Variants in ATXN7L1 observed in about 807,000 individuals in gnomAD.
ATXN7L1 encodes ataxin 7 like 1.
Under a neutral mutation model 70.8 loss-of-function variants are expected in ATXN7L1, and 15 were observed. The observed-to-expected ratio is 0.21, with a 90% CI of 0.14 to 0.33. ATXN7L1 has a LOEUF of 0.33. Among genes scored for constraint, ATXN7L1 ranks in the 10% least tolerant of loss-of-function variants. The pLI is 1.00. For missense variants in ATXN7L1, 975 were observed against 1,097.1 expected (o/e 0.89, Z 1.57); for synonymous variants, 440 against 445.1 (o/e 0.99, Z 0.14).
intron 2 of ATXN7L1, among the ~76,000 whole-genome samples, chr7:105,850,915 C>T (rs990258417): frequency 6.6e-6 from 1 of 152,090 alleles, no homozygotes; most frequent in Non-Finnish European, 1.5e-5. Context: ...CCATCTCTGC[C>T]CCCAGGATAT....
At chr7:105,731,592 G>A (rs987191032) in intron 3 of ATXN7L1, among the ~76,000 whole-genome samples, 1 of 150,938 alleles carries the variant, frequency 6.6e-6, no homozygotes, top group Non-Finnish European at 1.5e-5. Context: ...CCACCACCAC[G>A]CCCGGCTAAT....
At chr7:105,761,869 C>CT (rs1366648109) in intron 3 of ATXN7L1, among the ~76,000 whole-genome samples, 1 of 152,208 alleles carries the variant, frequency 6.6e-6, no homozygotes, top group East Asian at 1.9e-4. Flanking sequence ...ACATTGTATT[C>CT]TAATACTTGT....
Position 105,614,756 on chromosome 7 carries a change from G to A in ATXN7L1, c.1578C>T (p.Pro526=), listed in dbSNP as rs752716550. ...AAGGCTGCAAAACGGATGCTGGAACGGGGGTGGTGATGTGGGCTGCTGGCG... is the reference window on the plus strand; with the variant it reads ...AAGGCTGCAAAACGGATGCTGGAACAGGGGTGGTGATGTGGGCTGCTGGCG... ...LPSPAAHITT[P]VPASVLQPFS... The change falls in exon 10 of 12, where the codon CCC becomes CCT. Residue 526 remains proline, a synonymous_variant. Transcript: ENST00000419735. This position sits in a 1 kb window ranked among gnomAD's most constrained non-coding sequence, Gnocchi z 4.3. 291 of 1,551,622 alleles carry A rather than the reference G, an allele frequency of 1.9e-4. 1 individual carries two copies. The highest frequency in any genetic ancestry group is 2.3e-4 in the Non-Finnish European group (266 of 1,147,004).
chr7:105,640,037 C>T (rs1797945825), intron 5 of ATXN7L1, among the ~76,000 whole-genome samples: 2 of 152,240 alleles, frequency 1.3e-5, no homozygotes, highest in South Asian at 4.1e-4. Context: ...ACTCCAGCTC[C>T]TGCCTTCCTG....
intron 10 of ATXN7L1, among the ~76,000 whole-genome samples, chr7:105,613,213 C>T (rs982846912): frequency 6.6e-6 from 1 of 152,244 alleles, no homozygotes; most frequent in Non-Finnish European, 1.5e-5. Flanking sequence ...CTCTCAGCTT[C>T]CTCACCATAC....
rs141909019 is a variant in ATXN7L1, at chr7:105,712,207, C to G, written c.356-46919G>C. 1.8e-3 allele frequency among the ~76,000 whole-genome samples: 278 copies of G among 152,354 alleles called. 6 individuals carry two copies. In the East Asian group the frequency reaches 0.052, roughly 29 times the overall value. The stretch of plus-strand genomic sequence containing the variant: ...GCAGCTGGACTCTGAGCCTGGCCCA[C>G]AAAACCATTTTTTCCTCCTAGGCCT... On this transcript the variant is annotated intron_variant, in intron 3 of 11. Transcript: ENST00000419735.
At chr7:105,680,808 A>C (rs1805449032) in intron 3 of ATXN7L1, among the ~76,000 whole-genome samples, 1 of 152,166 alleles carries the variant, frequency 6.6e-6, no homozygotes. Flanking sequence ...CCAGAGAAAA[A>C]CGTGAGTTGC....
intron 4 of ATXN7L1, among the ~76,000 whole-genome samples, chr7:105,645,160 GAA>G (rs1554405151): frequency 6.6e-6 from 1 of 151,272 alleles, no homozygotes; most frequent in African/African-American, 2.4e-5. Context: ...TTGCAAGATG[GAA>G]AAAAAAGTTC....
chr7:105,761,129 T>C (rs1800476142), intron 3 of ATXN7L1: 2 of 1,177,250 alleles, frequency 1.7e-6, no homozygotes, highest in South Asian at 3.3e-5. Context: ...TGGGAATTGA[T>C]GGCAGCTTAG....
rs138063146 is a variant in ATXN7L1 at position 105,664,822 on chromosome 7, C to T, written c.578+244G>A. 7.6e-3 allele frequency among the ~76,000 whole-genome samples: 1,163 copies of T among 152,040 alleles called. 14 individuals are homozygous for T. Among genetic ancestry groups the T allele is most frequent in the African/African-American group, 0.027 (1,113 of 41,458 alleles). ...CCTCAGGTGATCTACCCACCTCAGC[C>T]TCCCAAAGTGCTGGGATTACAGGTG... On this transcript the variant is annotated intron_variant, in intron 4 of 11. Transcript: ENST00000419735.
At chr7:105,821,319 G>A (rs547751433) in intron 2 of ATXN7L1, among the ~76,000 whole-genome samples, 6 of 152,284 alleles carry the variant, frequency 3.9e-5, no homozygotes, top group South Asian at 2.1e-4. Flanking sequence ...GATTACAGGC[G>A]TGAGCCACCA....
At chr7:105,613,634 G>A (rs1218489957) in intron 10 of ATXN7L1, 1 of 1,408,462 alleles carries the variant, frequency 7.1e-7, no homozygotes, top group Admixed American at 2.8e-5. Context: ...ACTCAGTGAG[G>A]TAATAACCGT....
At chr7:105,748,236 G>A (rs1031660393) in intron 3 of ATXN7L1, among the ~76,000 whole-genome samples, 4 of 152,168 alleles carry the variant, frequency 2.6e-5, no homozygotes, top group African/African-American at 9.7e-5. Context: ...AATGATTATG[G>A]GAAGACATAT....
intron 3 of ATXN7L1, among the ~76,000 whole-genome samples, chr7:105,713,278 T>C (rs1794146840): frequency 6.6e-6 from 1 of 152,182 alleles, no homozygotes; most frequent in African/African-American, 2.4e-5. Context: ...CCATATCAGA[T>C]GGGGCCTGGT....
At chr7:105,768,997 T>C (rs951786638) in intron 3 of ATXN7L1, among the ~76,000 whole-genome samples, 1 of 152,202 alleles carries the variant, frequency 6.6e-6, no homozygotes, top group Non-Finnish European at 1.5e-5. Context: ...AAAATGCAGT[T>C]GTGGGGAGTC....
chr7:105,645,642 A>G (rs78416015), intron 4 of ATXN7L1, among the ~76,000 whole-genome samples: 6 of 95,980 alleles, frequency 6.3e-5, no homozygotes, highest in Admixed American at 2.1e-4. Flanking sequence ...TAAAAATCCA[A>G]AAAAAAAAAA....
chr7:105,835,288 G>T (rs1812213553), intron 2 of ATXN7L1, among the ~76,000 whole-genome samples: 1 of 150,812 alleles, frequency 6.6e-6, no homozygotes, highest in Admixed American at 6.6e-5. Context: ...CTGAGAAGCT[G>T]GGACTACAGG....
chr7:105,681,924 G>C (rs1805607603), intron 3 of ATXN7L1, among the ~76,000 whole-genome samples: 1 of 152,042 alleles, frequency 6.6e-6, no homozygotes, highest in Admixed American at 6.6e-5. Flanking sequence ...GGTTTTGCAA[G>C]ATAAAGAGTT....
intron 3 of ATXN7L1, among the ~76,000 whole-genome samples, chr7:105,729,698 G>T (rs61373220): frequency 0.1 from 15,274 of 151,210 alleles, 852 homozygotes; most frequent in South Asian, 0.16. Flanking sequence ...CCAGAGTGTG[G>T]GGATTACAGG....
Sources: gnomAD v4.1 joint callset for allele counts (sites outside exome capture counted in the v4.1 genomes callset) on GRCh38, gnomAD v4.1.1 for gene constraint, Gnocchi (gnomAD v3.1) non-coding constraint, MANE v1.5 for transcripts, NCBI Gene and HGNC (gene_info 2026-07-23, HGNC 2026-07-21) for gene names.